Variants in ANKRD24 observed in about 807,000 individuals in gnomAD.
The protein encoded by ANKRD24 is ankyrin repeat domain 24.
In ANKRD24, 109 loss-of-function variants were observed where a neutral mutation model predicts 127.8. The observed-to-expected ratio is 0.85, with a 90% confidence interval of 0.73 to 1.00. The LOEUF (loss-of-function observed/expected upper bound fraction) is 1.00, where lower values mean the gene tolerates loss of function less well. Among genes scored for constraint, ANKRD24 ranks in the 50% least tolerant of loss-of-function variants. ANKRD24 has a pLI of 0.00. For missense variants in ANKRD24, 1,648 were observed against 1,570.2 expected (o/e 1.05, Z -0.84); for synonymous variants, 743 against 671.1 (o/e 1.11, Z -1.66).
chr19:4,197,451 T>G (rs1968812961), intron 2 of ANKRD24, among the ~76,000 whole-genome samples: 1 of 152,044 alleles, frequency 6.6e-6, no homozygotes, highest in African/African-American at 2.4e-5. Context: ...AACTAATGAA[T>G]GGATGAATGG....
At chr19:4,193,858 A>G (rs867495988) in intron 2 of ANKRD24, among the ~76,000 whole-genome samples, 1,950 of 51,588 alleles carry the variant, frequency 0.038, 14 homozygotes, top group Middle Eastern at 0.065. Context: ...GAAGGAAGGA[A>G]GGAAGGAAGG....
Position 4,183,241 on chromosome 19 carries a change from A to G in ANKRD24, c.-37+501A>G, listed in dbSNP as rs370605295. ...GTGATCTGACCGCCTCGGCCTCCCA[A>G]AGTGCTGGGATTACAGGCGTGAGCC... On this transcript the variant is annotated intron_variant, in intron 1 of 21. Coordinates refer to ENST00000318934, the MANE Select transcript of ANKRD24 (RefSeq NM_001393985.1). 1.5e-5 allele frequency: 14 copies of G among 922,218 alleles called. No individual in the cohort carries two copies. In the African/African-American group the frequency reaches 2.0e-4, roughly 13 times the overall value. 57.1% of individuals were successfully genotyped at this position (922,218 alleles called of 1,614,324 possible).
intron 7 of ANKRD24, among the ~76,000 whole-genome samples, chr19:4,204,411 C>T (rs778640835): frequency 6.6e-6 from 1 of 152,032 alleles, no homozygotes; most frequent in Non-Finnish European, 1.5e-5. Flanking sequence ...GCAGGTAAAT[C>T]GTAGGGAATC....
chr19:4,205,185 C>T (rs1030068110), intron 7 of ANKRD24, among the ~76,000 whole-genome samples: 3 of 152,076 alleles, frequency 2.0e-5, no homozygotes, highest in Non-Finnish European at 2.9e-5. Context: ...TTGCATAGAG[C>T]CGAGATCATG....
At chr19:4,190,550 C>T (rs564050270) in intron 2 of ANKRD24, among the ~76,000 whole-genome samples, 1 of 151,902 alleles carries the variant, frequency 6.6e-6, no homozygotes, top group East Asian at 1.9e-4. Context: ...CATGGTGAAA[C>T]CCCCTCTCTA....
At chr19:4,220,699 C>T (rs1354898075) in intron 19 of ANKRD24, among the ~76,000 whole-genome samples, 2 of 151,126 alleles carry the variant, frequency 1.3e-5, no homozygotes, top group East Asian at 2.0e-4. Context: ...GGACTACAGG[C>T]GCCTGCCACC....
At position 4,198,865 on chromosome 19, in the gene ANKRD24, A is replaced by G. The variant is rs1968925851; in HGVS notation, c.37-818A>G. ...GACAACTTGGAAGCTATTTTGGGAG[A>G]GCCGATTTTGCGAAGAGGTAATGAT... On this transcript the variant is annotated intron_variant, in intron 2 of 21. Transcript: ENST00000318934. The surrounding 1 kb of genome is among the most constrained non-coding windows in gnomAD (Gnocchi z 6.1). 6.6e-6 allele frequency among the ~76,000 whole-genome samples: 1 copy of G among 151,976 alleles called. No homozygotes were observed. Among genetic ancestry groups the G allele is most frequent in the Non-Finnish European group, 1.5e-5 (1 of 68,012 alleles).
intron 7 of ANKRD24, among the ~76,000 whole-genome samples, chr19:4,205,958 C>T (rs1006122923): frequency 6.7e-6 from 1 of 150,292 alleles, no homozygotes; most frequent in East Asian, 2.0e-4. Context: ...CTGGCTAACA[C>T]GGTGAAACCC....
At chr19:4,194,342 G>A (rs756154015) in intron 2 of ANKRD24, among the ~76,000 whole-genome samples, 3 of 152,060 alleles carry the variant, frequency 2.0e-5, no homozygotes, top group African/African-American at 7.2e-5. Flanking sequence ...TAGTAGAGAC[G>A]GGGTTTCACC....
Position 4,219,619 on chromosome 19 carries a change from G to A in ANKRD24, c.3032G>A (p.Ser1011Asn), listed in dbSNP as rs767243018. 5 of 1,613,244 alleles carry A rather than the reference G, an allele frequency of 3.1e-6. No individual in the cohort carries two copies. Among genetic ancestry groups the A allele is most frequent in the African/African-American group, 2.7e-5 (2 of 74,922 alleles). Residue 1011 changes from serine to asparagine, a missense_variant, in exon 19 of 22, where the codon AGT becomes AAT. Physicochemically the swap from Ser to Asn is conservative, Grantham distance 46 (BLOSUM62 1). Transcript: ENST00000318934. Reference sequence around the variant, plus strand: ...CAGCGTGAGGCCCTGTTCATGAAGAGTGAGCGACACGCAGCCGAGGCACAG... The same window carrying A: ...CAGCGTGAGGCCCTGTTCATGAAGAATGAGCGACACGCAGCCGAGGCACAG... ...QVQREALFMK[S>N]ERHAAEAQLA...
intron 19 of ANKRD24, among the ~76,000 whole-genome samples, chr19:4,220,589 C>G (rs1970387711): frequency 6.6e-6 from 1 of 152,138 alleles, no homozygotes; most frequent in Admixed American, 6.6e-5. Flanking sequence ...GAGTCTTGCT[C>G]TGTCACCCAG....
chr19:4,191,596 C>G (rs1235708514), intron 2 of ANKRD24, among the ~76,000 whole-genome samples: 1 of 151,782 alleles, frequency 6.6e-6, no homozygotes, highest in African/African-American at 2.4e-5. Context: ...ATTATCCTCT[C>G]TCAGCCTCCC....
chr19:4,217,398 G>T lies in ANKRD24; in HGVS notation c.2238G>T (p.Glu746Asp). The change falls in exon 18 of 22, where the codon GAG becomes GAT. Residue 746 changes from glutamate to aspartate, a missense_variant. By Grantham distance (45) the Glu-to-Asp change is conservative (BLOSUM62 2). Transcript: ENST00000318934. ...AGCGGGAGCGGGAGGCAGCTGCGGA[G>T]CTGGAGGCGGCCCTGGGGAAGTGCG... ...LRQREREAAAELEAALGKCEA... is the reference protein window; with the variant it reads ...LRQREREAAADLEAALGKCEA... 6.5e-7 allele frequency: 1 copy of T among 1,549,974 alleles called. No individual in the cohort carries two copies. Among genetic ancestry groups the T allele is most frequent in the Non-Finnish European group, 8.7e-7 (1 of 1,146,832 alleles).
rs567892250 is a variant in ANKRD24, at chr19:4,193,533, G to A, written c.37-6150G>A. Among the ~76,000 whole-genome samples, 17 of 151,212 alleles carry A rather than the reference G, an allele frequency of 1.1e-4. No homozygotes were observed. The East Asian group carries it at 1.2e-3, about 11-fold the overall frequency. On this transcript the variant is annotated intron_variant, in intron 2 of 21. Transcript: ENST00000318934. Reference sequence around the variant, plus strand: ...CTACTATGGCAGCATGGATTACACCGAGGGAAATGTAAATGGAGATGATGG... The same window carrying A: ...CTACTATGGCAGCATGGATTACACCAAGGGAAATGTAAATGGAGATGATGG...
chr19:4,213,780 G>A (rs1420275512), intron 15 of ANKRD24, among the ~76,000 whole-genome samples: 3 of 151,358 alleles, frequency 2.0e-5, no homozygotes, highest in East Asian at 3.9e-4. Flanking sequence ...GATTACAGGC[G>A]CACACCATCA....
chr19:4,195,101 C>T lies in ANKRD24; in HGVS notation c.37-4582C>T, dbSNP rs1382657955. On this transcript the variant is annotated intron_variant, in intron 2 of 21. Coordinates refer to ENST00000318934, the MANE Select transcript of ANKRD24 (RefSeq NM_001393985.1). This position sits in a 1 kb window ranked among gnomAD's most constrained non-coding sequence, Gnocchi z 4.2. ...GTTTGTTTGTTTTTAGAGAGGGAGT[C>T]TCACTCTGTCACCCAGGTTGGAGTG... is the stretch of plus-strand genomic sequence containing the variant. Among the ~76,000 whole-genome samples, 2 of 136,322 alleles carry T rather than the reference C, an allele frequency of 1.5e-5. No individual in the cohort carries two copies. The highest frequency in any genetic ancestry group is 2.7e-5 in the African/African-American group (1 of 37,138). The allele number at this position is 136,322 out of a possible 152,430, so 89.4% of individuals were successfully genotyped here.
At chr19:4,189,765 C>T (rs1968279087) in intron 2 of ANKRD24, among the ~76,000 whole-genome samples, 1 of 152,144 alleles carries the variant, frequency 6.6e-6, no homozygotes. Context: ...TTAATCCTCA[C>T]CACCGTGTTA....
At chr19:4,208,877 G>A (rs1376660061) in intron 11 of ANKRD24, 76 bp downstream of exon 11, 1 of 1,491,078 alleles carries the variant, frequency 6.7e-7, no homozygotes, top group East Asian at 2.3e-5. Context: ...CAAGCTCTGT[G>A]AGAAGAGAAG....
chr19:4,189,901 C>T (rs1371590295), intron 2 of ANKRD24, among the ~76,000 whole-genome samples: 1 of 152,060 alleles, frequency 6.6e-6, no homozygotes, highest in Non-Finnish European at 1.5e-5. Context: ...GGCTGCGTTA[C>T]TATGAACATG....
Sources: allele counts gnomAD v4.1 joint callset (sites outside exome capture counted in the v4.1 genomes callset), GRCh38; gene constraint gnomAD v4.1.1; non-coding constraint Gnocchi (gnomAD v3.1); transcripts MANE v1.5; gene names NCBI Gene and HGNC (gene_info 2026-07-23, HGNC 2026-07-21).